The following ZZEF1 variants were observed in gnomAD, a reference collection of about 807,000 sequenced individuals.
The protein encoded by ZZEF1 is zinc finger ZZ-type and EF-hand domain-containing protein 1.
In ZZEF1, 157 loss-of-function variants were observed where a neutral mutation model predicts 342.8. That is an observed-to-expected ratio of 0.46 (90% CI 0.40 to 0.52). The LOEUF (loss-of-function observed/expected upper bound fraction) is 0.52, where lower values mean the gene tolerates loss of function less well. Ranked by LOEUF, ZZEF1 falls within the 20% of genes least tolerant of loss-of-function variation. The pLI is 0.00. For synonymous variants in ZZEF1, 1,505 were observed against 1,429.1 expected (o/e 1.05, Z -1.20); for missense variants, 3,480 against 3,725.6 (o/e 0.93, Z 1.72).
At chr17:4,023,335 G>C (rs928268823) in intron 43 of ZZEF1, among the ~76,000 whole-genome samples, 2 of 152,190 alleles carry the variant, frequency 1.3e-5, no homozygotes, top group African/African-American at 4.8e-5. Flanking sequence ...AGCTCCAGGA[G>C]AGCAGGGACC....
At chr17:4,087,172 G>T (rs1283319490) in intron 14 of ZZEF1, among the ~76,000 whole-genome samples, 2 of 152,166 alleles carry the variant, frequency 1.3e-5, no homozygotes, top group Non-Finnish European at 1.5e-5. Flanking sequence ...GAGCCACCGC[G>T]CCCAGGCAGG....
chr17:4,032,095 A>C (rs1481857479), intron 42 of ZZEF1, 31 bp downstream of exon 42: 2 of 1,600,152 alleles, frequency 1.2e-6, no homozygotes, highest in South Asian at 2.3e-5. Context: ...TTTTTCTTCC[A>C]TTCTTAGAAA....
Position 4,017,043 on chromosome 17 carries a change from T to G in ZZEF1, c.8001+328A>C, listed in dbSNP as rs2676277. 12,993 of 275,842 alleles carry G rather than the reference T, an allele frequency of 0.047. 1,646 individuals are homozygous for G. Among genetic ancestry groups the G allele is most frequent in the African/African-American group, 0.27 (12,135 of 45,642 alleles). The allele number at this position is 275,842 out of a possible 1,614,324, so 17.1% of individuals were successfully genotyped here. A position where few individuals can be genotyped will look rare whatever the true frequency, so the allele number is the denominator to read the frequency against. On this transcript the variant is annotated intron_variant, in intron 48 of 54. Transcript: ENST00000381638. This position sits in a 1 kb window ranked among gnomAD's most constrained non-coding sequence, Gnocchi z 5.1. ...CTGAGAGGCCAAATGAACTTCCTCA[T>G]GGACTGCGTGTGTGTGTGTGAAGGT...
intron 43 of ZZEF1, 134 bp downstream of exon 43, chr17:4,024,785 C>A: frequency 2.3e-6 from 2 of 856,250 alleles, no homozygotes; most frequent in South Asian, 1.5e-5. Flanking sequence ...GTAAGGCCCA[C>A]GCGTTTCTAA....
intron 6 of ZZEF1, 48 bp from the exon 7 acceptor site, chr17:4,105,857 T>C (rs775469581): frequency 1.4e-6 from 2 of 1,474,640 alleles, no homozygotes; most frequent in Non-Finnish European, 1.9e-6. Flanking sequence ...CCAGACCGAA[T>C]TTAGACAAAA....
intron 21 of ZZEF1, 41 bp from the exon 22 acceptor site, chr17:4,075,470 A>G (rs1220877391): frequency 6.2e-7 from 1 of 1,601,636 alleles, no homozygotes; most frequent in South Asian, 1.1e-5. Context: ...AGGTTCTATC[A>G]CTAGACACCT....
chr17:4,048,873 A>ATTTTTTTT (rs71144157), intron 37 of ZZEF1, among the ~76,000 whole-genome samples: 3 of 133,756 alleles, frequency 2.2e-5, no homozygotes, highest in African/African-American at 5.6e-5. Flanking sequence ...AGCCTGGATA[A>ATTTTTTTT]TTTTTTTTTT....
intron 26 of ZZEF1, among the ~76,000 whole-genome samples, chr17:4,068,418 C>T (rs1361387940): frequency 6.6e-6 from 1 of 152,152 alleles, no homozygotes; most frequent in African/African-American, 2.4e-5. Flanking sequence ...TCCCGAGTAG[C>T]TGGAATTACA....
Position 4,117,166 on chromosome 17 carries a change from C to G in ZZEF1, c.500G>C (p.Gly167Ala). Residue 167 changes from glycine to alanine, a missense_variant and splice_region_variant, in exon 3 of 55, where the codon GGT becomes GCT. By Grantham distance (60) the Gly-to-Ala change is moderately conservative (BLOSUM62 0). Transcript: ENST00000381638. The stretch of plus-strand genomic sequence containing the variant: ...CGACTCTGAAAATATGTCTGTGAAA[C>G]CTAAACAGATGAAATCCATTTTTGG... ...RQLQACSLVPGFTDIFSESKE... is the reference protein window; with the variant it reads ...RQLQACSLVPAFTDIFSESKE... 1 of 1,606,776 alleles carries G rather than the reference C, an allele frequency of 6.2e-7. No homozygotes were observed. Among genetic ancestry groups the G allele is most frequent in the Non-Finnish European group, 8.5e-7 (1 of 1,174,598 alleles).
Position 4,082,504 on chromosome 17 carries a change from T to A in ZZEF1, c.2647A>T (p.Asn883Tyr), listed in dbSNP as rs779215091. 2 of 1,613,798 alleles carry A rather than the reference T, an allele frequency of 1.2e-6. No homozygotes were observed. The highest frequency in any genetic ancestry group is 2.2e-5 in the South Asian group (2 of 91,060). The change falls in exon 17 of 55, where the codon AAT (asparagine) becomes TAT (tyrosine). Residue 883 changes from asparagine (N) to tyrosine (Y), a missense_variant and splice_region_variant. Physicochemically the swap from Asn to Tyr is moderately radical, Grantham distance 143. Around this residue, in one of 5 missense-constraint regions of ZZEF1, gnomAD observed 1,528 missense variants for 1,624.1 expected, o/e 0.94. Coordinates refer to ENST00000381638, the MANE Select transcript of ZZEF1 (RefSeq NM_015113.4). ...TRRNHLFTMM[N>Y]VTEQEHKQSL... The stretch of plus-strand genomic sequence containing the variant: ...TGCTTGTGCTCCTGCTCGGTGACAT[T>A]CTTCTAGAAAACCAGAAATTGTATA...
chr17:4,087,341 A>T, intron 14 of ZZEF1, 93 bp downstream of exon 14: 2 of 709,470 alleles, frequency 2.8e-6, no homozygotes, highest in Non-Finnish European at 4.3e-6. Context: ...GGTAGGAAGT[A>T]AAAAAAAAAT....
At chr17:4,013,992 G>A in intron 51 of ZZEF1, 98 bp downstream of exon 51, 2 of 1,168,572 alleles carry the variant, frequency 1.7e-6, no homozygotes. Flanking sequence ...ACAAGTACCT[G>A]CTTTGATTTT....
At chr17:4,135,784 A>G (rs1355140218) in intron 1 of ZZEF1, among the ~76,000 whole-genome samples, 1 of 152,052 alleles carries the variant, frequency 6.6e-6, no homozygotes, top group South Asian at 2.1e-4. Flanking sequence ...TCCATTTGCT[A>G]TGGTCTCAGT....
Position 4,017,325 on chromosome 17 carries a change from G to A in ZZEF1, c.8001+46C>T, listed in dbSNP as rs2056132348. On this transcript the variant is annotated intron_variant, in intron 48 of 54. Transcript: ENST00000381638. The surrounding 1 kb of genome is among the most constrained non-coding windows in gnomAD (Gnocchi z 5.1). The stretch of plus-strand genomic sequence containing the variant: ...CTCACTGGAGGAAGCCTGTGGGGCA[G>A]AGGAAGAACCTGGTGGGTGAGCACA... The A allele has an allele frequency of 6.5e-7, 1 of 1,543,488 alleles. No homozygotes were observed. The highest frequency in any genetic ancestry group is 8.7e-7 in the Non-Finnish European group (1 of 1,144,228).
intron 5 of ZZEF1, among the ~76,000 whole-genome samples, chr17:4,110,709 CTTT>C (rs1240075616): frequency 3.1e-5 from 4 of 127,034 alleles, no homozygotes; most frequent in Admixed American, 8.6e-5. Flanking sequence ...AAAATTACGG[CTTT>C]TTTTTTTTTT....
chr17:4,095,970 C>CA lies in ZZEF1; in HGVS notation c.1773dup (p.Gly592TrpfsTer14), dbSNP rs1368293636. ...AACCCACACTGGGCACCAATGCCACCACGTCGAACCTGGAAACAGAGATTA... is the reference window on the plus strand; with the variant it reads ...AACCCACACTGGGCACCAATGCCACCAACGTCGAACCTGGAAACAGAGATTA... On this transcript the variant is annotated frameshift_variant, in exon 11 of 55. Transcript: ENST00000381638. LOFTEE classifies it high-confidence loss of function. 1 of 1,608,182 alleles carries CA rather than the reference C, an allele frequency of 6.2e-7. No individual in the cohort carries two copies. Among genetic ancestry groups the CA allele is most frequent in the Non-Finnish European group, 8.5e-7 (1 of 1,176,808 alleles).
At position 4,114,346 on chromosome 17, in the gene ZZEF1, G is replaced by C; in HGVS notation, c.819C>G (p.Thr273=). ...ADIDKMTNGE[T]SSYWQSDGSA... is the part of the protein sequence containing the mutation. ...TGCCATCTGACTGCCAGTAGGATGAGGTTTCTCCATTTGTCATCTTGTCAA... is the reference window on the plus strand; with the variant it reads ...TGCCATCTGACTGCCAGTAGGATGACGTTTCTCCATTTGTCATCTTGTCAA... The change falls in exon 4 of 55, where the codon ACC becomes ACG. Residue 273 remains threonine, a synonymous_variant. Coordinates refer to ENST00000381638, the MANE Select transcript of ZZEF1 (RefSeq NM_015113.4). 6.2e-7 allele frequency: 1 copy of C among 1,611,520 alleles called. No homozygotes were observed. The highest frequency in any genetic ancestry group is 1.3e-5 in the African/African-American group (1 of 74,976).
intron 39 of ZZEF1, 33 bp downstream of exon 39, chr17:4,042,396 C>CCA: frequency 6.3e-7 from 1 of 1,597,254 alleles, no homozygotes; most frequent in Non-Finnish European, 8.5e-7. Context: ...ATGCATACCA[C>CCA]CACCCCCACT....
intron 46 of ZZEF1, among the ~76,000 whole-genome samples, chr17:4,018,428 T>C (rs957484453): frequency 6.7e-6 from 1 of 148,516 alleles, no homozygotes; most frequent in South Asian, 2.1e-4. Flanking sequence ...CCTTCTCTCC[T>C]TTTTTTTTTA....
Sources: allele counts gnomAD v4.1 joint callset (sites outside exome capture counted in the v4.1 genomes callset), GRCh38; gene constraint gnomAD v4.1.1; regional missense constraint gnomAD v4.1.1; non-coding constraint Gnocchi (gnomAD v3.1); transcripts MANE v1.5; gene names NCBI Gene and HGNC (gene_info 2026-07-23, HGNC 2026-07-21).